Variants in GAD2 observed in about 807,000 individuals in gnomAD.
GAD2 encodes 65 kDa glutamic acid decarboxylase.
A neutral mutation model predicts 80.1 loss-of-function variants in GAD2; 22 were observed. The ratio of observed to expected loss-of-function variants is 0.27; its 90% CI spans 0.20 to 0.39. The LOEUF (loss-of-function observed/expected upper bound fraction) is 0.39. Among genes scored for constraint, GAD2 ranks in the 10% least tolerant of loss-of-function variants. GAD2 has a pLI of 1.00. For synonymous variants in GAD2, 274 were observed against 256.9 expected (o/e 1.07, Z -0.64); for missense variants, 624 against 738.4 (o/e 0.85, Z 1.80).
chr10:26,296,576 A>G (rs141261531), intron 15 of GAD2, among the ~76,000 whole-genome samples: 1 of 152,336 alleles, frequency 6.6e-6, no homozygotes, highest in East Asian at 1.9e-4. Context: ...TTGGGGCACT[A>G]TGAGGATGTG....
At chr10:26,263,456 T>C (rs138090989) in intron 8 of GAD2, among the ~76,000 whole-genome samples, 88 of 152,374 alleles carry the variant, frequency 5.8e-4, no homozygotes, top group Admixed American at 2.9e-3. Flanking sequence ...TAAGACAGGC[T>C]ACCCATGTTG....
intron 8 of GAD2, among the ~76,000 whole-genome samples, chr10:26,250,871 T>C (rs993560894): frequency 6.8e-6 from 1 of 147,740 alleles, no homozygotes; most frequent in Admixed American, 6.8e-5. Flanking sequence ...TGTTGGGTTT[T>C]TTTTCCTTTT....
rs1035359676 is a variant in GAD2, at chr10:26,304,484, T to C, written c.*3523T>C. 2.0e-5 allele frequency: 3 copies of C among 152,634 alleles called. No individual in the cohort carries two copies. Among genetic ancestry groups the C allele is most frequent in the Non-Finnish European group, 4.4e-5 (3 of 68,032 alleles). The allele number at this position is 152,634 out of a possible 1,614,324, so 9.5% of individuals were successfully genotyped here. On this transcript the variant is annotated 3_prime_UTR_variant, in exon 16 of 16. Transcript: ENST00000376261. ...GGCAACCTGTTCTTCCTACCAAATA[T>C]AAACTTGTGTATGATCCAAGTATTT...
At chr10:26,230,220 T>G (rs1393916728) in intron 7 of GAD2, among the ~76,000 whole-genome samples, 1 of 152,040 alleles carries the variant, frequency 6.6e-6, no homozygotes, top group East Asian at 1.9e-4. Flanking sequence ...CCTTCGCTTC[T>G]GCGCAATCAA....
chr10:26,239,278 G>T (rs1844712269), intron 7 of GAD2, among the ~76,000 whole-genome samples: 1 of 152,188 alleles, frequency 6.6e-6, no homozygotes, highest in East Asian at 1.9e-4. Context: ...AGGTCTCTGT[G>T]TTGCTTCTTT....
intron 10 of GAD2, among the ~76,000 whole-genome samples, chr10:26,273,278 C>T (rs1041950471): frequency 6.6e-6 from 1 of 152,232 alleles, no homozygotes; most frequent in African/African-American, 2.4e-5. Context: ...TTTAATGGCC[C>T]TCCTGCCCAT....
chr10:26,257,241 G>A (rs1415278640), intron 8 of GAD2, among the ~76,000 whole-genome samples: 1 of 152,118 alleles, frequency 6.6e-6, no homozygotes, highest in African/African-American at 2.4e-5. Context: ...GCCAGGCATG[G>A]TGGTGGGCAC....
At chr10:26,240,529 C>A (rs758863997) in intron 7 of GAD2, among the ~76,000 whole-genome samples, 4 of 151,906 alleles carry the variant, frequency 2.6e-5, no homozygotes, top group African/African-American at 9.7e-5. Flanking sequence ...ATCAGGAGTT[C>A]GAGACCAGCC....
intron 8 of GAD2, among the ~76,000 whole-genome samples, chr10:26,263,863 G>T (rs1845037736): frequency 6.6e-6 from 1 of 152,166 alleles, no homozygotes; most frequent in Non-Finnish European, 1.5e-5. Flanking sequence ...AATCCAGGGG[G>T]CTTCCAGAAA....
At chr10:26,222,247 A>G (rs1224576939) in intron 4 of GAD2, among the ~76,000 whole-genome samples, 1 of 152,198 alleles carries the variant, frequency 6.6e-6, no homozygotes, top group Non-Finnish European at 1.5e-5. Context: ...TCTGATATCC[A>G]GAGGCACAAC....
At chr10:26,243,659 TA>T (rs1844770641) in intron 7 of GAD2, among the ~76,000 whole-genome samples, 1 of 152,226 alleles carries the variant, frequency 6.6e-6, no homozygotes, top group Admixed American at 6.5e-5. Flanking sequence ...GCCTGTTCTG[TA>T]CACGCAGACA....
chr10:26,227,272 C>T (rs1045375674), intron 6 of GAD2, among the ~76,000 whole-genome samples: 3 of 152,226 alleles, frequency 2.0e-5, no homozygotes, highest in Non-Finnish European at 4.4e-5. Flanking sequence ...CTTGCTTTTA[C>T]ATCCTTTCTT....
rs1176792394 is a variant in GAD2 at position 26,217,617 on chromosome 10, C to T, written c.84C>T (p.Ala28=). The change falls in exon 2 of 16, where the codon GCC becomes GCT. Residue 28 remains alanine, a synonymous_variant. Coordinates refer to ENST00000376261, the MANE Select transcript of GAD2 (RefSeq NM_001134366.2). This position sits in a 1 kb window ranked among gnomAD's most constrained non-coding sequence, Gnocchi z 4.9. ...GDSENPGTAR[A]WCQVAQKFTG... ...GCCTATTCTTCCTTGCAGCGCGAGCCTGGTGCCAAGTGGCTCAGAAGTTCA... is the reference window on the plus strand; with the variant it reads ...GCCTATTCTTCCTTGCAGCGCGAGCTTGGTGCCAAGTGGCTCAGAAGTTCA... The T allele has an allele frequency of 6.2e-7, 1 of 1,613,148 alleles. No individual in the cohort carries two copies. Among genetic ancestry groups the T allele is most frequent in the Non-Finnish European group, 8.5e-7 (1 of 1,179,614 alleles).
chr10:26,217,580 C>T lies in GAD2; in HGVS notation c.77-30C>T. The T allele has an allele frequency of 1.3e-6, 2 of 1,599,286 alleles. No individual in the cohort carries two copies. Among genetic ancestry groups the T allele is most frequent in the Non-Finnish European group, 1.7e-6 (2 of 1,171,372 alleles). Reference sequence around the variant, plus strand: ...TCCGTCTGTTGTTCTCTTTCTGCCTCGCTGTCTGCCTGCCTATTCTTCCTT... The same window carrying T: ...TCCGTCTGTTGTTCTCTTTCTGCCTTGCTGTCTGCCTGCCTATTCTTCCTT... On this transcript the variant is annotated intron_variant, in intron 1 of 15. Transcript: ENST00000376261. This position sits in a 1 kb window ranked among gnomAD's most constrained non-coding sequence, Gnocchi z 4.9.
At chr10:26,285,156 T>G (rs940382179) in intron 12 of GAD2, among the ~76,000 whole-genome samples, 5 of 152,254 alleles carry the variant, frequency 3.3e-5, no homozygotes, top group Non-Finnish European at 5.9e-5. Context: ...TCGTATTTAA[T>G]TTTTCTTATT....
At chr10:26,220,738 G>T (rs1469910326) in intron 4 of GAD2, among the ~76,000 whole-genome samples, 2 of 152,078 alleles carry the variant, frequency 1.3e-5, no homozygotes, top group Non-Finnish European at 2.9e-5. Flanking sequence ...TGTTTGTATT[G>T]CTACCAAACC....
intron 12 of GAD2, among the ~76,000 whole-genome samples, chr10:26,283,656 G>A (rs1190068408): frequency 1.3e-5 from 2 of 152,150 alleles, no homozygotes; most frequent in Admixed American, 1.3e-4. Context: ...TTGTCCATGG[G>A]GTTCCATCAA....
chr10:26,284,875 GT>G (rs1845314296), intron 12 of GAD2, among the ~76,000 whole-genome samples: 1 of 152,044 alleles, frequency 6.6e-6, no homozygotes, highest in African/African-American at 2.4e-5. Flanking sequence ...GGCCATCCAG[GT>G]TTTTTAGGGC....
intron 13 of GAD2, among the ~76,000 whole-genome samples, chr10:26,289,539 A>G (rs969626764): frequency 2.0e-5 from 3 of 151,996 alleles, no homozygotes; most frequent in Non-Finnish European, 4.4e-5. Flanking sequence ...TATGCAAAAA[A>G]TAAGACCCCT....
Sources: allele counts gnomAD v4.1 joint callset (sites outside exome capture counted in the v4.1 genomes callset), GRCh38; gene constraint gnomAD v4.1.1; non-coding constraint Gnocchi (gnomAD v3.1); transcripts MANE v1.5; gene names NCBI Gene and HGNC (gene_info 2026-07-23, HGNC 2026-07-21).